The following TNRC6C variants were observed in gnomAD, a reference collection of about 807,000 sequenced individuals.
The protein encoded by TNRC6C is trinucleotide repeat containing adaptor 6C, also known as trinucleotide repeat-containing gene 6C protein.
TNRC6C carries 20 observed loss-of-function variants against 153.7 expected under a neutral mutation model. The ratio of observed to expected loss-of-function variants is 0.13; its 90% confidence interval spans 0.09 to 0.19. TNRC6C has a LOEUF of 0.19. Among genes scored for constraint, TNRC6C ranks in the 10% least tolerant of loss-of-function variants. TNRC6C has a pLI of 1.00. For synonymous variants in TNRC6C, 811 were observed against 841.4 expected (o/e 0.96, Z 0.63); for missense variants, 1,987 against 2,172.0 (o/e 0.91, Z 1.69).
chr17:78,095,622 C>T (rs889095196), intron 16 of TNRC6C, among the ~76,000 whole-genome samples: 2 of 152,208 alleles, frequency 1.3e-5, no homozygotes, highest in Admixed American at 1.3e-4. Context: ...CAGCTCGTGA[C>T]CAGCACGAGG....
chr17:78,034,804 G>T (rs1011035905), intron 2 of TNRC6C, among the ~76,000 whole-genome samples: 5 of 151,990 alleles, frequency 3.3e-5, no homozygotes, highest in African/African-American at 1.2e-4. Flanking sequence ...CCCCCTTTCT[G>T]CAAAAAGTAC....
At chr17:78,046,730 G>A (rs1473054934) in intron 2 of TNRC6C, among the ~76,000 whole-genome samples, 7 of 152,018 alleles carry the variant, frequency 4.6e-5, no homozygotes, top group African/African-American at 1.2e-4. Flanking sequence ...TTCCTAATTC[G>A]CTCTTTACTT....
chr17:77,971,014 GAAAGA>G (rs1352386356), intron 1 of TNRC6C, among the ~76,000 whole-genome samples: 2 of 151,786 alleles, frequency 1.3e-5, no homozygotes, highest in Non-Finnish European at 2.9e-5. Context: ...GAAAAAAAAA[GAAAGA>G]AAAGAAAAAA....
At chr17:78,086,736 G>T in intron 12 of TNRC6C, 117 bp from the exon 15 acceptor site, 1 of 1,569,542 alleles carries the variant, frequency 6.4e-7, no homozygotes, top group Non-Finnish European at 8.7e-7. Flanking sequence ...TTGGGAGGAG[G>T]TTGGCCTAGC....
intron 1 of TNRC6C, among the ~76,000 whole-genome samples, chr17:77,988,266 C>G (rs1274003631): frequency 6.6e-6 from 1 of 152,154 alleles, no homozygotes; most frequent in Admixed American, 6.5e-5. Context: ...GTGGTCCCAG[C>G]TACTCAGGAG....
At chr17:77,995,549 A>G (rs2071315092) in intron 1 of TNRC6C, among the ~76,000 whole-genome samples, 1 of 152,232 alleles carries the variant, frequency 6.6e-6, no homozygotes, top group African/African-American at 2.4e-5. Context: ...GAAAAGCATT[A>G]TGCTTATCAG....
At chr17:78,085,979 C>T (rs1168052235) in intron 11 of TNRC6C, among the ~76,000 whole-genome samples, 2 of 151,640 alleles carry the variant, frequency 1.3e-5, no homozygotes, top group Non-Finnish European at 2.9e-5. Context: ...TTTAGTTCTG[C>T]GCACTAAAAA....
At chr17:78,101,462 G>C (rs2144653654) in intron 17 of TNRC6C, among the ~76,000 whole-genome samples, 1 of 152,268 alleles carries the variant, frequency 6.6e-6, no homozygotes, top group Admixed American at 6.5e-5. Flanking sequence ...CTGTTACCCA[G>C]TTCCAAAGTT....
At chr17:78,072,941 A>G in intron 6 of TNRC6C, 96 bp from the exon 9 acceptor site, 1 of 872,684 alleles carries the variant, frequency 1.1e-6, no homozygotes. Context: ...CCAAAACCTA[A>G]TAACTATGTC....
At chr17:78,067,114 A>T (rs1320970870) in intron 4 of TNRC6C, 1 of 152,204 alleles carries the variant, frequency 6.6e-6, no homozygotes, top group Non-Finnish European at 1.5e-5. Flanking sequence ...ATGCCGAGGC[A>T]GGAGGACTAC....
intron 1 of TNRC6C, among the ~76,000 whole-genome samples, chr17:78,028,024 T>C (rs2071977695): frequency 6.6e-6 from 1 of 151,458 alleles, no homozygotes; most frequent in Non-Finnish European, 1.5e-5. Flanking sequence ...GCCTCCCGAG[T>C]AGCTGGGACT....
chr17:78,080,172 C>T (rs575023373), intron 10 of TNRC6C, among the ~76,000 whole-genome samples: 3 of 152,248 alleles, frequency 2.0e-5, no homozygotes, highest in South Asian at 2.1e-4. Flanking sequence ...TGTTGCCGGG[C>T]GCGGCGGCTC....
chr17:78,006,607 T>C (rs970050878), intron 1 of TNRC6C, among the ~76,000 whole-genome samples: 9 of 147,154 alleles, frequency 6.1e-5, no homozygotes, highest in Admixed American at 2.0e-4. Context: ...TTCCTCCTTC[T>C]TCCTTCTTCT....
At chr17:77,979,206 G>C (rs564942801) in intron 1 of TNRC6C, among the ~76,000 whole-genome samples, 5 of 152,134 alleles carry the variant, frequency 3.3e-5, no homozygotes, top group Non-Finnish European at 7.4e-5. Context: ...GTGCAATATA[G>C]GGTGACAATA....
chr17:78,031,736 G>A (rs1228843635), exon 2 of TNRC6C: 1 of 1,232,176 alleles, frequency 8.1e-7, no homozygotes, highest in African/African-American at 1.6e-5. Flanking sequence ...TGCCTACGGG[G>A]ACTCTAACCA....
chr17:78,104,843 T>A lies in TNRC6C; in HGVS notation c.5071T>A (p.Ter1691LysextTer41). 1 of 1,422,854 alleles carries A rather than the reference T, an allele frequency of 7.0e-7. No homozygotes were observed. Among genetic ancestry groups the A allele is most frequent in the Admixed American group, 2.9e-5 (1 of 34,248 alleles). 88.1% of individuals were successfully genotyped at this position (1,422,854 alleles called of 1,614,324 possible). A position where few individuals can be genotyped will look rare whatever the true frequency, so the allele number is the denominator to read the frequency against. ...GGACCTGCTCAGCGGGGAGTCCCTG[T>A]AGGCTCTGCCATCATCAGCACCAGG... is the stretch of plus-strand genomic sequence containing the variant. The change falls in exon 20 of 20, where the codon TAG becomes AAG. Residue 1691 changes from the stop codon to lysine (K), a stop_lost. Coordinates refer to ENST00000301624, the Ensembl canonical transcript of TNRC6C. This position sits in a 1 kb window ranked among gnomAD's most constrained non-coding sequence, Gnocchi z 6.2.
At chr17:78,025,126 T>A (rs2071915425) in intron 1 of TNRC6C, among the ~76,000 whole-genome samples, 1 of 152,152 alleles carries the variant, frequency 6.6e-6, no homozygotes, top group African/African-American at 2.4e-5. Context: ...ACAGTTTACA[T>A]TAGGGTTCAC....
chr17:78,108,694 G>A (rs1261014552), exon 20 of TNRC6C: 1 of 154,490 alleles, frequency 6.5e-6, no homozygotes, highest in Non-Finnish European at 1.5e-5. Context: ...AAGACCTCGT[G>A]GGCCTGGGTG....
intron 1 of TNRC6C, among the ~76,000 whole-genome samples, chr17:77,984,835 C>T (rs2071137870): frequency 6.6e-6 from 1 of 152,164 alleles, no homozygotes; most frequent in Non-Finnish European, 1.5e-5. Flanking sequence ...TACGCACACA[C>T]ACACACACAC....
Sources: allele counts gnomAD v4.1 joint callset (sites outside exome capture counted in the v4.1 genomes callset), GRCh38; gene constraint gnomAD v4.1.1; non-coding constraint Gnocchi (gnomAD v3.1); transcripts MANE v1.5; gene names NCBI Gene and HGNC (gene_info 2026-07-23, HGNC 2026-07-21).